The following PTK2 variants were observed in gnomAD, a reference collection of about 807,000 sequenced individuals.
PTK2 encodes the protein focal adhesion kinase 1.
A neutral mutation model predicts 150.1 loss-of-function variants in PTK2; 45 were observed. The ratio of observed to expected loss-of-function variants is 0.30; its 90% confidence interval spans 0.24 to 0.38. The LOEUF (loss-of-function observed/expected upper bound fraction) is 0.38. PTK2 is among the 10% of genes least tolerant of loss of function. The pLI is 1.00. For missense variants in PTK2, 919 were observed against 1,307.3 expected (o/e 0.70, Z 4.58); for synonymous variants, 432 against 449.2 (o/e 0.96, Z 0.48).
intron 13 of PTK2, among the ~76,000 whole-genome samples, chr8:140,792,368 G>A (rs1052690487): frequency 3.9e-5 from 6 of 152,304 alleles, no homozygotes; most frequent in Middle Eastern, 6.8e-3. Flanking sequence ...CACACAGGTC[G>A]TCACAATCCA....
chr8:140,661,842 A>ACC (rs1397975153), intron 31 of PTK2, among the ~76,000 whole-genome samples: 1 of 152,158 alleles, frequency 6.6e-6, no homozygotes, highest in Non-Finnish European at 1.5e-5. Context: ...AAACAGCTGG[A>ACC]GCACTGGAAT....
intron 2 of PTK2, among the ~76,000 whole-genome samples, chr8:140,893,190 G>A (rs2100154804): frequency 2.0e-5 from 3 of 152,056 alleles, no homozygotes; most frequent in African/African-American, 7.2e-5. Flanking sequence ...ATGGTGGCAT[G>A]TGCCTGTACT....
chr8:140,748,210 T>C (rs2100060594), intron 17 of PTK2, among the ~76,000 whole-genome samples: 1 of 152,074 alleles, frequency 6.6e-6, no homozygotes, highest in South Asian at 2.1e-4. Flanking sequence ...TAAAAGACTT[T>C]CTACTGGGCA....
chr8:140,727,538 C>T (rs1193325790), intron 22 of PTK2, among the ~76,000 whole-genome samples: 1 of 148,682 alleles, frequency 6.7e-6, no homozygotes, highest in Non-Finnish European at 1.5e-5. Flanking sequence ...GGAATTTAGA[C>T]ACCACCTTTG....
At chr8:140,814,377 T>C (rs564180249) in intron 10 of PTK2, among the ~76,000 whole-genome samples, 2 of 152,272 alleles carry the variant, frequency 1.3e-5, no homozygotes, top group African/African-American at 2.4e-5. Flanking sequence ...GCCAATATTA[T>C]TGATGAACAT....
rs80315324 is a variant in PTK2 at position 140,945,752 on chromosome 8, T to A, written c.-121-20003A>T. 3.9e-3 allele frequency among the ~76,000 whole-genome samples: 592 copies of A among 152,236 alleles called. 4 individuals are homozygous for A. Among genetic ancestry groups the A allele is most frequent in the African/African-American group, 0.013 (540 of 41,532 alleles). On this transcript the variant is annotated intron_variant, in intron 1 of 31. Transcript: ENST00000522684. ...CAAAGTCAATAAGTTAATATACATA[T>A]AATCTAAGAAGGTAACACAACACAG...
intron 2 of PTK2, among the ~76,000 whole-genome samples, chr8:140,920,582 T>C (rs992937131): frequency 2.0e-5 from 3 of 152,208 alleles, no homozygotes; most frequent in Non-Finnish European, 4.4e-5. Flanking sequence ...CATTAAAAGA[T>C]AGCTTAATGC....
At chr8:140,915,560 T>C (rs968834448) in intron 2 of PTK2, among the ~76,000 whole-genome samples, 1 of 152,108 alleles carries the variant, frequency 6.6e-6, no homozygotes, top group African/African-American at 2.4e-5. Flanking sequence ...ATATGGGGCA[T>C]GCTGTTATTC....
chr8:140,993,367 C>T (rs1302733147), intron 1 of PTK2, among the ~76,000 whole-genome samples: 8 of 152,174 alleles, frequency 5.3e-5, no homozygotes, highest in Admixed American at 5.2e-4. Flanking sequence ...CAGTAAACAC[C>T]TGGCTGATGC....
At chr8:140,732,747 G>A in intron 22 of PTK2, 1 of 318,402 alleles carries the variant, frequency 3.1e-6, no homozygotes, top group Non-Finnish European at 6.3e-6. Context: ...AACACGGGTT[G>A]CAGCCATCTA....
At chr8:140,767,311 C>T (rs2100072868) in intron 14 of PTK2, among the ~76,000 whole-genome samples, 1 of 150,352 alleles carries the variant, frequency 6.7e-6, no homozygotes, top group South Asian at 2.1e-4. Flanking sequence ...GGGGATGTAT[C>T]AAAGCTGTCT....
chr8:140,795,829 A>G (rs924227856), intron 12 of PTK2, among the ~76,000 whole-genome samples: 8 of 152,188 alleles, frequency 5.3e-5, no homozygotes, highest in African/African-American at 1.9e-4. Flanking sequence ...ACTACTGCAC[A>G]TTGTATTCCC....
intron 1 of PTK2, among the ~76,000 whole-genome samples, chr8:140,965,697 C>T (rs1344440626): frequency 1.3e-5 from 2 of 152,196 alleles, no homozygotes; most frequent in African/African-American, 4.8e-5. Flanking sequence ...GCCAACATGG[C>T]AAAACCCCGT....
At chr8:140,947,959 G>GCTATAT (rs2100178251) in intron 1 of PTK2, among the ~76,000 whole-genome samples, 4 of 152,166 alleles carry the variant, frequency 2.6e-5, no homozygotes, top group Admixed American at 2.6e-4. Context: ...TGGTATAGGT[G>GCTATAT]TTAACAACCT....
chr8:140,875,613 TAAGAGATACA>T, intron 4 of PTK2, among the ~76,000 whole-genome samples: 1 of 152,338 alleles, frequency 6.6e-6, no homozygotes, highest in East Asian at 1.9e-4. Flanking sequence ...GCTTACATTC[TAAGAGATACA>T]TCAGCAAATC....
rs115698078 is a variant in PTK2 at position 140,680,753 on chromosome 8, T to C, written c.2563-5254A>G. 3.8e-3 allele frequency among the ~76,000 whole-genome samples: 576 copies of C among 152,276 alleles called. 5 individuals are homozygous for C. Among genetic ancestry groups the C allele is most frequent in the African/African-American group, 0.013 (552 of 41,564 alleles). On this transcript the variant is annotated intron_variant, in intron 27 of 31. Coordinates refer to ENST00000522684, the Ensembl canonical transcript of PTK2. ...TCTTCAATACAAGGAAGGAGCTCAG[T>C]GTATGGGAATGTTAAATGGCTGATA...
At position 140,995,660 on chromosome 8, in the gene PTK2, G is replaced by A. The variant is rs1259900105; in HGVS notation, c.-122+5465C>T. On this transcript the variant is annotated intron_variant, in intron 1 of 31. Transcript: ENST00000522684. Reference sequence around the variant, plus strand: ...CTACTAAAAAAACAAACAAACAAAAGTAGCTGGCCATGGTGGTGCATGCCT... The same window carrying A: ...CTACTAAAAAAACAAACAAACAAAAATAGCTGGCCATGGTGGTGCATGCCT... Among the ~76,000 whole-genome samples the A allele has an allele frequency of 2.0e-5, 3 of 151,228 alleles. No individual in the cohort carries two copies. The East Asian group carries it at 5.9e-4, about 30-fold the overall frequency.
intron 14 of PTK2, among the ~76,000 whole-genome samples, chr8:140,783,928 C>A (rs899056041): frequency 1.3e-5 from 2 of 152,088 alleles, no homozygotes; most frequent in Non-Finnish European, 2.9e-5. Context: ...TTTGGAAGGC[C>A]GAGGTGGGTG....
chr8:140,823,252 T>C (rs1383045555), intron 8 of PTK2, among the ~76,000 whole-genome samples: 1 of 152,152 alleles, frequency 6.6e-6, no homozygotes, highest in Admixed American at 6.5e-5. Flanking sequence ...AGGTAAATAC[T>C]GACATGCAGT....
Sources: allele counts gnomAD v4.1 joint callset (sites outside exome capture counted in the v4.1 genomes callset), GRCh38; gene constraint gnomAD v4.1.1; transcripts MANE v1.5; gene names NCBI Gene and HGNC (gene_info 2026-07-23, HGNC 2026-07-21).